CACNA1E: variants seen among roughly 807,000 people sequenced by gnomAD.
CACNA1E encodes voltage-dependent R-type calcium channel subunit alpha-1E.
CACNA1E carries 40 observed loss-of-function variants against 259.2 expected under a neutral mutation model. That is an observed-to-expected ratio of 0.15 (90% confidence interval 0.12 to 0.20). CACNA1E has a LOEUF of 0.20. Ranked by LOEUF, CACNA1E falls within the 10% of genes least tolerant of loss-of-function variation. The pLI, the probability that CACNA1E is intolerant of heterozygous loss-of-function variation, is 1.00. For synonymous variants in CACNA1E, 1,104 were observed against 1,138.5 expected, an observed-to-expected ratio of 0.97 and a Z score of 0.61; for missense variants, 1,874 against 3,040.1, an observed-to-expected ratio of 0.62 and a Z score of 9.02.
chr1:181,415,881 G>A (rs549638075), intron 2 of CACNA1E, among the ~76,000 whole-genome samples: 9 of 152,188 alleles, frequency 5.9e-5, no homozygotes, highest in South Asian at 2.1e-4. Context: ...CCAGTTCTAC[G>A]AACCCTAATG....
At chr1:181,331,530 C>T (rs1651262549) in intron 1 of CACNA1E, among the ~76,000 whole-genome samples, 1 of 152,168 alleles carries the variant, frequency 6.6e-6, no homozygotes, top group South Asian at 2.1e-4. Context: ...TACAAGCCTT[C>T]AGCTAATTGG....
chr1:181,720,703 T>G (rs1446767654), intron 14 of CACNA1E, 80 bp from the exon 15 acceptor site: 17 of 832,524 alleles, frequency 2.0e-5, no homozygotes, highest in Middle Eastern at 4.4e-4. Flanking sequence ...AAAGAAGTGA[T>G]GAAAGCTGTG....
chr1:181,653,126 T>C (rs1658906378), intron 7 of CACNA1E, among the ~76,000 whole-genome samples: 1 of 152,118 alleles, frequency 6.6e-6, no homozygotes, highest in Non-Finnish European at 1.5e-5. Flanking sequence ...CTAATTACCA[T>C]AGCTCCGCGG....
intron 1 of CACNA1E, among the ~76,000 whole-genome samples, chr1:181,340,144 G>A (rs1652039435): frequency 6.6e-6 from 1 of 151,264 alleles, no homozygotes; most frequent in South Asian, 2.1e-4. Flanking sequence ...TAGAAGACTT[G>A]GGGGAAGGAT....
rs767352090 is a variant in CACNA1E at position 181,392,430 on chromosome 1, A to C, written c.-14-20703A>C. Among the ~76,000 whole-genome samples, 10 of 152,130 alleles carry C rather than the reference A, an allele frequency of 6.6e-5. No homozygotes were observed. The South Asian group carries it at 1.5e-3, about 22-fold the overall frequency. ...TCCTAAAAGGGTTAAGGTTGCTTTT[A>C]CTACTTGGTAAGATCATAGTTTTGC... On this transcript the variant is annotated intron_variant, in intron 1 of 11. Transcript: ENST00000524607.
At position 181,733,466 on chromosome 1, in the gene CACNA1E, C is replaced by A; in HGVS notation, c.2978C>A (p.Ser993Tyr). The A allele has an allele frequency of 2.6e-6, 4 of 1,553,994 alleles. No individual in the cohort carries two copies. Among genetic ancestry groups the A allele is most frequent in the Non-Finnish European group, 3.5e-6 (4 of 1,148,762 alleles). The change falls in exon 21 of 48, where the codon TCC becomes TAC. Residue 993 changes from serine (S) to tyrosine (Y), a missense_variant. Coordinates refer to ENST00000367573, the MANE Select transcript of CACNA1E (RefSeq NM_001205293.3). ...AACAGTCTGATGGTGTCCAGAGGCT[C>A]CGGGCTGGCAGGAGGCCTTGATGAG... Reference protein sequence around the residue: ...RTNSLMVSRGSGLAGGLDEAD... With the variant: ...RTNSLMVSRGYGLAGGLDEAD...
intron 1 of CACNA1E, among the ~76,000 whole-genome samples, chr1:181,350,841 G>T (rs1409467276): frequency 6.6e-6 from 1 of 152,146 alleles, no homozygotes; most frequent in Non-Finnish European, 1.5e-5. Flanking sequence ...TATTTGTTGG[G>T]TGCCCACCAT....
At chr1:181,627,364 G>A (rs1656294543) in intron 6 of CACNA1E, among the ~76,000 whole-genome samples, 1 of 152,168 alleles carries the variant, frequency 6.6e-6, no homozygotes, top group African/African-American at 2.4e-5. Flanking sequence ...ATGAAAATGG[G>A]GCATCTTGGG....
At chr1:181,564,821 A>T (rs1174418321) in intron 3 of CACNA1E, among the ~76,000 whole-genome samples, 1 of 152,208 alleles carries the variant, frequency 6.6e-6, no homozygotes, top group South Asian at 2.1e-4. Flanking sequence ...TGAAAACCAC[A>T]TTAATCTTTG....
At chr1:181,783,562 C>T (rs1377834487) in intron 39 of CACNA1E, 117 bp from the exon 40 acceptor site, 14 of 606,698 alleles carry the variant, frequency 2.3e-5, no homozygotes, top group Non-Finnish European at 3.9e-5. Context: ...GGATGGGGAT[C>T]CTTGCCCTTC....
At chr1:181,703,105 C>T (rs530675241) in intron 7 of CACNA1E, among the ~76,000 whole-genome samples, 8 of 152,238 alleles carry the variant, frequency 5.3e-5, no homozygotes, top group Non-Finnish European at 1.0e-4. Flanking sequence ...ATTATACTTG[C>T]TGCTATATCC....
At chr1:181,757,532 A>AATT (rs1658193175) in intron 30 of CACNA1E, among the ~76,000 whole-genome samples, 2 of 152,166 alleles carry the variant, frequency 1.3e-5, no homozygotes. Context: ...CTGTTTTTGA[A>AATT]ATTTCTTTAT....
chr1:181,625,412 G>A (rs1656107496), intron 6 of CACNA1E, among the ~76,000 whole-genome samples: 1 of 152,146 alleles, frequency 6.6e-6, no homozygotes, highest in African/African-American at 2.4e-5. Context: ...AAAATCTGTT[G>A]TTTAGTGTAC....
At position 181,517,914 on chromosome 1, in the gene CACNA1E, C is replaced by T. The variant is rs114807849; in HGVS notation, c.512+6404C>T. On this transcript the variant is annotated intron_variant, in intron 3 of 47. Coordinates refer to ENST00000367573, the MANE Select transcript of CACNA1E (RefSeq NM_001205293.3). ...GAATGTGGGGGAAGAGTTGTGAATGCAGTCCTCAGGCCCCCAGCCCAATTT... is the reference window on the plus strand; with the variant it reads ...GAATGTGGGGGAAGAGTTGTGAATGTAGTCCTCAGGCCCCCAGCCCAATTT... Among the ~76,000 whole-genome samples the T allele has an allele frequency of 8.7e-3, 1,321 of 152,222 alleles. 24 individuals carry two copies. Among genetic ancestry groups the T allele is most frequent in the African/African-American group, 0.029 (1,206 of 41,538 alleles).
chr1:181,706,775 A>G (rs917486055), intron 7 of CACNA1E, among the ~76,000 whole-genome samples: 1 of 152,226 alleles, frequency 6.6e-6, no homozygotes, highest in Non-Finnish European at 1.5e-5. Context: ...GGAAGAAGAC[A>G]TTAGTTTGAA....
At chr1:181,676,329 G>A (rs1182441015) in intron 7 of CACNA1E, among the ~76,000 whole-genome samples, 12 of 152,078 alleles carry the variant, frequency 7.9e-5, no homozygotes, top group African/African-American at 2.2e-4. Context: ...GGTTCAAGTC[G>A]TGTTCATGTT....
At chr1:181,540,607 C>T (rs190920405) in intron 3 of CACNA1E, among the ~76,000 whole-genome samples, 2 of 152,272 alleles carry the variant, frequency 1.3e-5, no homozygotes, top group South Asian at 2.1e-4. Context: ...GCTCATAGAA[C>T]GCTCATGTGA....
At chr1:181,532,485 G>A (rs1667857636) in intron 3 of CACNA1E, among the ~76,000 whole-genome samples, 1 of 152,212 alleles carries the variant, frequency 6.6e-6, no homozygotes, top group East Asian at 1.9e-4. Flanking sequence ...TGGTGCAGGG[G>A]CTGTGCAGGC....
intron 2 of CACNA1E, among the ~76,000 whole-genome samples, chr1:181,430,360 T>C (rs1659628379): frequency 1.3e-5 from 2 of 152,194 alleles, no homozygotes; most frequent in African/African-American, 4.8e-5. Flanking sequence ...CTTTTTACAG[T>C]TGAATTCAAA....
Sources: gnomAD v4.1 joint callset for allele counts (sites outside exome capture counted in the v4.1 genomes callset) on GRCh38, gnomAD v4.1.1 for gene constraint, MANE v1.5 for transcripts, NCBI Gene and HGNC (gene_info 2026-07-23, HGNC 2026-07-21) for gene names.